The following UBTD1 variants were observed in gnomAD, a reference collection of about 807,000 sequenced individuals.
The protein encoded by UBTD1 is ubiquitin domain-containing protein 1.
A neutral mutation model predicts 21.7 loss-of-function variants in UBTD1; 19 were observed. That is an observed-to-expected ratio of 0.87 (90% CI 0.61 to 1.28). The LOEUF (loss-of-function observed/expected upper bound fraction) is 1.28. Among genes scored for constraint, UBTD1 ranks in the 50% most tolerant of loss-of-function variants. UBTD1 has a pLI of 0.00. For missense variants in UBTD1, 282 were observed against 315.1 expected (o/e 0.89, Z 0.80); for synonymous variants, 116 against 135.1 (o/e 0.86, Z 0.98).
chr10:97,519,726 T>A (rs954580850), intron 1 of UBTD1, among the ~76,000 whole-genome samples: 2 of 152,200 alleles, frequency 1.3e-5, no homozygotes, highest in Non-Finnish European at 2.9e-5. Context: ...TTGCCTGATA[T>A]TGCAGGAATT....
At chr10:97,553,491 T>G (rs920562431) in intron 1 of UBTD1, among the ~76,000 whole-genome samples, 2 of 152,248 alleles carry the variant, frequency 1.3e-5, no homozygotes, top group African/African-American at 4.8e-5. Flanking sequence ...TATGCTTAGA[T>G]GAAAAACTTC....
intron 2 of UBTD1, among the ~76,000 whole-genome samples, chr10:97,569,838 G>A (rs1240511918): frequency 6.6e-6 from 1 of 151,926 alleles, no homozygotes; most frequent in African/African-American, 2.4e-5. Context: ...TCAGCTGCTC[G>A]GGAGGCTGAG....
At chr10:97,538,849 G>T (rs1037743267) in intron 1 of UBTD1, among the ~76,000 whole-genome samples, 2 of 152,184 alleles carry the variant, frequency 1.3e-5, no homozygotes, top group African/African-American at 4.8e-5. Flanking sequence ...GGAGGGCTAG[G>T]ATCTTGCCTT....
intron 1 of UBTD1, among the ~76,000 whole-genome samples, chr10:97,535,790 CT>C (rs1438318172): frequency 2.0e-5 from 3 of 151,342 alleles, no homozygotes; most frequent in Non-Finnish European, 4.4e-5. Flanking sequence ...CAGTGGTGCA[CT>C]CCTGTAGTCC....
At chr10:97,532,287 CA>C (rs1388636056) in intron 1 of UBTD1, among the ~76,000 whole-genome samples, 2 of 152,204 alleles carry the variant, frequency 1.3e-5, no homozygotes, top group Non-Finnish European at 2.9e-5. Context: ...ATCTTCCTCC[CA>C]AAGCCTTTCC....
At chr10:97,507,743 T>A (rs1157745477) in intron 1 of UBTD1, among the ~76,000 whole-genome samples, 11 of 117,718 alleles carry the variant, frequency 9.3e-5, no homozygotes, top group African/African-American at 3.4e-4. Context: ...ACCACTGCAC[T>A]CAAGCCTAAC....
chr10:97,552,781 G>A (rs11189275), intron 1 of UBTD1, among the ~76,000 whole-genome samples: 63 of 152,112 alleles, frequency 4.1e-4, no homozygotes, highest in African/African-American at 1.4e-3. Flanking sequence ...TATGGTGGAC[G>A]TTTTCCCGTG....
rs532156149 is a variant in UBTD1, at chr10:97,515,025, T to C, written c.70+15752T>C. Among the ~76,000 whole-genome samples, 41 of 152,330 alleles carry C rather than the reference T, an allele frequency of 2.7e-4. 1 individual carries two copies. The South Asian group carries it at 8.3e-3, about 31-fold the overall frequency. ...GCAAGCTCTGTGACCTTTGGAGACA[T>C]TGATGATCATCTTGGGTAGCCTGGG... On this transcript the variant is annotated intron_variant, in intron 1 of 2. Transcript: ENST00000370664.
chr10:97,525,913 C>G (rs1232536044), intron 1 of UBTD1, among the ~76,000 whole-genome samples: 1 of 152,156 alleles, frequency 6.6e-6, no homozygotes. Context: ...GATTTCCATG[C>G]TAAGGTGTTT....
At chr10:97,516,498 G>C (rs764884914) in intron 1 of UBTD1, among the ~76,000 whole-genome samples, 2 of 152,182 alleles carry the variant, frequency 1.3e-5, no homozygotes, top group Non-Finnish European at 2.9e-5. Context: ...CTCCTCGGCC[G>C]GGCACGGTGG....
At chr10:97,529,340 C>T (rs1395105970) in intron 1 of UBTD1, among the ~76,000 whole-genome samples, 1 of 152,160 alleles carries the variant, frequency 6.6e-6, no homozygotes, top group African/African-American at 2.4e-5. Context: ...GGCAGAGACG[C>T]TCCTCACTTC....
chr10:97,568,256 C>A, intron 2 of UBTD1, 115 bp downstream of exon 2: 1 of 1,030,648 alleles, frequency 9.7e-7, no homozygotes, highest in Admixed American at 2.1e-5. Context: ...CGTATTCATT[C>A]ATTCAAGCAC....
chr10:97,558,640 A>ATT (rs75506822), intron 1 of UBTD1, among the ~76,000 whole-genome samples: 2 of 143,858 alleles, frequency 1.4e-5, no homozygotes, highest in African/African-American at 5.0e-5. Context: ...GCCGACATGA[A>ATT]TTTTTTTTTT....
At chr10:97,551,641 G>C (rs60321177) in intron 1 of UBTD1, among the ~76,000 whole-genome samples, 4,887 of 152,266 alleles carry the variant, frequency 0.032, 230 homozygotes, top group African/African-American at 0.1. Flanking sequence ...AAAGCCTCCA[G>C]GAGCTGTCAG....
chr10:97,560,099 C>T (rs1182863407), intron 1 of UBTD1, among the ~76,000 whole-genome samples: 3 of 152,068 alleles, frequency 2.0e-5, no homozygotes, highest in African/African-American at 7.2e-5. Flanking sequence ...AATTCTTTAA[C>T]ATGTTTCAAC....
At chr10:97,517,956 G>A (rs1589869802) in intron 1 of UBTD1, among the ~76,000 whole-genome samples, 1 of 152,278 alleles carries the variant, frequency 6.6e-6, no homozygotes, top group East Asian at 1.9e-4. Flanking sequence ...AGGCCATAGG[G>A]GACGTGGTTG....
At chr10:97,502,856 C>T (rs138577228) in intron 1 of UBTD1, among the ~76,000 whole-genome samples, 191 of 145,744 alleles carry the variant, frequency 1.3e-3, no homozygotes, top group South Asian at 1.7e-3. Context: ...TACATATATA[C>T]GTATATATAC....
chr10:97,537,813 G>C (rs2135673261), intron 1 of UBTD1, among the ~76,000 whole-genome samples: 1 of 150,358 alleles, frequency 6.7e-6, no homozygotes, highest in South Asian at 2.1e-4. Flanking sequence ...CTTGTAACAG[G>C]CTTTCTCTTT....
intron 1 of UBTD1, among the ~76,000 whole-genome samples, chr10:97,558,823 A>G (rs1361299005): frequency 6.6e-6 from 1 of 152,132 alleles, no homozygotes; most frequent in Non-Finnish European, 1.5e-5. Context: ...ATCTAAATAG[A>G]TGTGAGAGTT....
Sources: gnomAD v4.1 joint callset for allele counts (sites outside exome capture counted in the v4.1 genomes callset) on GRCh38, gnomAD v4.1.1 for gene constraint, MANE v1.5 for transcripts, NCBI Gene and HGNC (gene_info 2026-07-23, HGNC 2026-07-21) for gene names.